RMND1: variants seen among roughly 807,000 people sequenced by gnomAD.
RMND1 encodes required for meiotic nuclear division protein 1 homolog.
In RMND1, 41 loss-of-function variants were observed where a neutral mutation model predicts 54.0. The ratio of observed to expected loss-of-function variants is 0.76; its 90% CI spans 0.59 to 0.98. The LOEUF (loss-of-function observed/expected upper bound fraction) is 0.98, where lower values mean the gene tolerates loss of function less well. RMND1 is among the 50% of genes least tolerant of loss of function. The pLI is 0.00. For missense variants in RMND1, 457 were observed against 532.0 expected (o/e 0.86, Z 1.39); for synonymous variants, 183 against 181.7 (o/e 1.01, Z -0.06).
At chr6:151,437,719 T>C (rs998206285) in intron 2 of RMND1, among the ~76,000 whole-genome samples, 1 of 152,192 alleles carries the variant, frequency 6.6e-6, no homozygotes, top group Admixed American at 6.5e-5. Flanking sequence ...TAGAGAAGTA[T>C]ATATTAATTC....
At chr6:151,434,083 A>G (rs931084463) in intron 3 of RMND1, among the ~76,000 whole-genome samples, 2 of 152,124 alleles carry the variant, frequency 1.3e-5, no homozygotes, top group Non-Finnish European at 2.9e-5. Context: ...TCCTCAGCTC[A>G]AGCCATCTGC....
intron 2 of RMND1, chr6:151,445,070 T>C (rs1440759099): frequency 7.0e-6 from 3 of 428,612 alleles, no homozygotes; most frequent in African/African-American, 2.0e-5. Context: ...ACCAAATCTT[T>C]TATAAACTCT....
intron 3 of RMND1, among the ~76,000 whole-genome samples, chr6:151,435,336 G>A (rs1179941694): frequency 1.3e-5 from 2 of 151,842 alleles, no homozygotes; most frequent in Admixed American, 1.3e-4. Context: ...AGTAGAGATG[G>A]GGTTTCACCA....
intron 2 of RMND1, among the ~76,000 whole-genome samples, chr6:151,443,769 A>G (rs1260548657): frequency 4.6e-5 from 7 of 152,204 alleles, no homozygotes; most frequent in African/African-American, 1.4e-4. Context: ...TGCTGGAAAA[A>G]GTTATTTCTC....
At chr6:151,450,880 T>A (rs1781156736) in intron 1 of RMND1, among the ~76,000 whole-genome samples, 1 of 152,202 alleles carries the variant, frequency 6.6e-6, no homozygotes, top group Admixed American at 6.5e-5. Flanking sequence ...TGCCTTGGGA[T>A]CCTGCTAATC....
At chr6:151,415,888 C>T (rs112719861) in intron 10 of RMND1, among the ~76,000 whole-genome samples, 2 of 151,814 alleles carry the variant, frequency 1.3e-5, no homozygotes, top group Non-Finnish European at 2.9e-5. Context: ...AGATTACTCA[C>T]TGCCAGGGGT....
chr6:151,446,454 A>C (rs983497309), intron 1 of RMND1, among the ~76,000 whole-genome samples: 21 of 151,626 alleles, frequency 1.4e-4, no homozygotes, highest in Non-Finnish European at 5.9e-5. Context: ...AAAGGTTCCC[A>C]GAAAGATCTA....
intron 9 of RMND1, chr6:151,420,849 C>A (rs1780131531): frequency 6.5e-6 from 1 of 153,728 alleles, no homozygotes; most frequent in Non-Finnish European, 1.4e-5. Context: ...TCTCCAGTGG[C>A]ATCTTGGTGT....
At position 151,417,381 on chromosome 6, in the gene RMND1, A is replaced by G; in HGVS notation, c.1098T>C (p.Ser366=). ...AATCAGGAGTAATCAGGAAGTCTGA[A>G]CTCAAGTTTATACGGTGCCTTTAAA... The part of the protein sequence containing the change: ...LFALRHRINL[S]SDFLITPDFY... The change falls in exon 10 of 12, where the codon AGT becomes AGC. Residue 366 remains serine, a synonymous_variant. Coordinates refer to ENST00000444024, the MANE Select transcript of RMND1 (RefSeq NM_017909.4). 1 of 1,606,760 alleles carries G rather than the reference A, an allele frequency of 6.2e-7. No homozygotes were observed. The highest frequency in any genetic ancestry group is 1.1e-5 in the South Asian group (1 of 89,470).
intron 10 of RMND1, among the ~76,000 whole-genome samples, chr6:151,410,518 C>A (rs1562782893): frequency 6.6e-6 from 1 of 152,158 alleles, no homozygotes; most frequent in Non-Finnish European, 1.5e-5. Context: ...CGAGTCTGAA[C>A]TGCCTTCGGG....
intron 1 of RMND1, among the ~76,000 whole-genome samples, chr6:151,446,481 C>T (rs916458367): frequency 4.0e-5 from 6 of 151,280 alleles, no homozygotes; most frequent in Admixed American, 6.6e-5. Flanking sequence ...TTCTAGAAGG[C>T]GAAGGTGCTT....
At chr6:151,435,857 C>A (rs1178394434) in intron 3 of RMND1, among the ~76,000 whole-genome samples, 2 of 151,052 alleles carry the variant, frequency 1.3e-5, no homozygotes, top group Admixed American at 1.3e-4. Flanking sequence ...GTAATCCCAG[C>A]ACTTTGGGAG....
intron 2 of RMND1, 196 bp downstream of exon 2, chr6:151,445,112 T>C: frequency 1.8e-6 from 1 of 541,744 alleles, no homozygotes; most frequent in Non-Finnish European, 3.1e-6. Flanking sequence ...TATTTTGTTT[T>C]TATATGTATC....
At chr6:151,443,862 T>C (rs1780866850) in intron 2 of RMND1, among the ~76,000 whole-genome samples, 1 of 152,268 alleles carries the variant, frequency 6.6e-6, no homozygotes, top group East Asian at 1.9e-4. Context: ...GTTCCTCTTT[T>C]AATTACTGCG....
Position 151,427,517 on chromosome 6 carries a change from G to C in RMND1, c.795C>G (p.His265Gln), listed in dbSNP as rs150706976. 9.4e-5 allele frequency: 151 copies of C among 1,611,660 alleles called. No homozygotes were observed. In the African/African-American group the frequency reaches 1.7e-3, roughly 18 times the overall value. ...EIQPYEIALV[H>Q]WENEELNYIK... The stretch of plus-strand genomic sequence containing the variant: ...TGTAGTTAAGTTCTTCATTTTCCCA[G>C]TGTACCAGTGCGATTTCATAGGGCT... The change falls in exon 6 of 12, where the codon CAC (histidine) becomes CAG (glutamine). Residue 265 changes from histidine (H) to glutamine (Q), a missense_variant. Physicochemically the swap from His to Gln is conservative, Grantham distance 24. Coordinates refer to ENST00000444024, the MANE Select transcript of RMND1 (RefSeq NM_017909.4).
intron 10 of RMND1, among the ~76,000 whole-genome samples, chr6:151,407,836 G>A (rs991953309): frequency 1.3e-5 from 2 of 151,994 alleles, no homozygotes; most frequent in African/African-American, 2.4e-5. Context: ...GAACCCAGCC[G>A]GGAGGTGGAG....
intron 1 of RMND1, among the ~76,000 whole-genome samples, chr6:151,449,060 CAA>C (rs71014585): frequency 0.094 from 1,718 of 18,182 alleles, 11 homozygotes; most frequent in East Asian, 0.19. Context: ...GACTCTGTCT[CAA>C]AAAAAAAAAA....
intron 5 of RMND1, among the ~76,000 whole-genome samples, chr6:151,427,890 C>T (rs1481884365): frequency 6.6e-6 from 1 of 152,024 alleles, no homozygotes; most frequent in Non-Finnish European, 1.5e-5. Context: ...TTAATAATCC[C>T]AGCATTTTGG....
chr6:151,405,174 A>G lies in RMND1; in HGVS notation c.*61T>C, dbSNP rs1779566830. 1 of 1,523,792 alleles carries G rather than the reference A, an allele frequency of 6.6e-7. No homozygotes were observed. Among genetic ancestry groups the G allele is most frequent in the Admixed American group, 1.7e-5 (1 of 59,440 alleles). The allele number at this position is 1,523,792 out of a possible 1,614,324, so 94.4% of individuals were successfully genotyped here. ...CATGAGGCACCGCGCCGGGCCGAACATTTAATTTTTGATTGTAGAACTTGA... is the reference window on the plus strand; with the variant it reads ...CATGAGGCACCGCGCCGGGCCGAACGTTTAATTTTTGATTGTAGAACTTGA... On this transcript the variant is annotated 3_prime_UTR_variant, in exon 12 of 12. Transcript: ENST00000444024.
Sources: gnomAD v4.1 joint callset for allele counts (sites outside exome capture counted in the v4.1 genomes callset) on GRCh38, gnomAD v4.1.1 for gene constraint, MANE v1.5 for transcripts, NCBI Gene and HGNC (gene_info 2026-07-23, HGNC 2026-07-21) for gene names.